Variants in RGS3 observed in about 807,000 individuals in gnomAD.
The protein encoded by RGS3 is regulator of G-protein signalling 3.
Under a neutral mutation model 132.6 loss-of-function variants are expected in RGS3, and 80 were observed. The ratio of observed to expected loss-of-function variants is 0.60; its 90% confidence interval spans 0.50 to 0.73. The LOEUF (loss-of-function observed/expected upper bound fraction) is 0.73. Among genes scored for constraint, RGS3 ranks in the 30% least tolerant of loss-of-function variants. The pLI is 0.00. For synonymous variants in RGS3, 598 were observed against 620.6 expected (o/e 0.96, Z 0.54); for missense variants, 1,382 against 1,530.8 (o/e 0.90, Z 1.62).
intron 1 of RGS3, among the ~76,000 whole-genome samples, chr9:113,460,790 C>T (rs1234442967): frequency 6.6e-6 from 1 of 152,090 alleles, no homozygotes; most frequent in African/African-American, 2.4e-5. Flanking sequence ...CTTAAAGTCA[C>T]TAAGATTCTT....
chr9:113,596,991 G>T (rs1835819204), exon 25 of RGS3: 2 of 1,545,600 alleles, frequency 1.3e-6, no homozygotes, highest in Non-Finnish European at 1.7e-6. Flanking sequence ...ACACCAGGCG[G>T]GCTGGGTCCC....
chr9:113,488,568 A>G (rs995730358), intron 7 of RGS3, among the ~76,000 whole-genome samples: 2 of 152,208 alleles, frequency 1.3e-5, no homozygotes, highest in African/African-American at 4.8e-5. Context: ...GGAGGCAGAC[A>G]CCAAACTGCT....
intron 7 of RGS3, among the ~76,000 whole-genome samples, chr9:113,495,551 T>A (rs1231871849): frequency 6.6e-6 from 1 of 152,190 alleles, no homozygotes. Context: ...GCTGAACTTG[T>A]CCTGTGACCT....
At chr9:113,496,074 C>T (rs1186803796) in intron 8 of RGS3, among the ~76,000 whole-genome samples, 1 of 152,182 alleles carries the variant, frequency 6.6e-6, no homozygotes, top group Non-Finnish European at 1.5e-5. Flanking sequence ...GTTTGTTAGG[C>T]AGCCCCAAGT....
chr9:113,465,439 C>CTGTGTGTGTGTGTGTG lies in RGS3; in HGVS notation c.415+3265_415+3280dup, dbSNP rs3221187. On this transcript the variant is annotated intron_variant, in intron 3 of 24. Coordinates refer to ENST00000350696, the Ensembl canonical transcript of RGS3. Reference sequence around the variant, plus strand: ...CCCAGGCTTATTTCCACACCTATTTCTGTGTGTGTGTGTGTGTGTGTGTGT... The same window carrying CTGTGTGTGTGTGTGTG: ...CCCAGGCTTATTTCCACACCTATTTCTGTGTGTGTGTGTGTGTGTGTGTGTGTGTGTGTGTGTGTGT... Among the ~76,000 whole-genome samples the CTGTGTGTGTGTGTGTG allele has an allele frequency of 2.0e-4, 27 of 135,408 alleles. No homozygotes were observed. In the South Asian group the frequency reaches 5.5e-3, roughly 27 times the overall value. 88.8% of individuals were successfully genotyped at this position (135,408 alleles called of 152,430 possible).
Position 113,463,775 on chromosome 9 carries a change from G to C in RGS3, c.415+1574G>C. The C allele has an allele frequency of 6.3e-7, 1 of 1,587,600 alleles. No homozygotes were observed. The highest frequency in any genetic ancestry group is 1.1e-5 in the South Asian group (1 of 87,666). ...AACACAGCCGCCTCGGGTTGCAGACGCTCCTGTCCGGGTCGCAGTGGGACG... is the reference window on the plus strand; with the variant it reads ...AACACAGCCGCCTCGGGTTGCAGACCCTCCTGTCCGGGTCGCAGTGGGACG... On this transcript the variant is annotated intron_variant, in intron 3 of 24. Transcript: ENST00000350696. This position sits in a 1 kb window ranked among gnomAD's most constrained non-coding sequence, Gnocchi z 4.6.
At chr9:113,456,860 C>G (rs555661738), upstream of RGS3, among the ~76,000 whole-genome samples, 1 of 152,060 alleles carries the variant, frequency 6.6e-6, no homozygotes, top group African/African-American at 2.4e-5. Context: ...GAGTACAATG[C>G]GATGATCTCA....
Position 113,565,090 on chromosome 9 carries a change from C to T in RGS3, c.2038-18360C>T. Reference sequence around the variant, plus strand: ...GGGGTGCCGTTGTGAGGGATGGACGCCTCTCCCCCGGAGCAGCACTTTGGG... The same window carrying T: ...GGGGTGCCGTTGTGAGGGATGGACGTCTCTCCCCCGGAGCAGCACTTTGGG... On this transcript the variant is annotated intron_variant, in intron 19 of 24. Transcript: ENST00000350696. The surrounding 1 kb of genome is among the most constrained non-coding windows in gnomAD (Gnocchi z 5.7). The T allele has an allele frequency of 8.6e-7, 1 of 1,160,932 alleles. No homozygotes were observed. Among genetic ancestry groups the T allele is most frequent in the South Asian group, 1.7e-5 (1 of 58,312 alleles). The allele number at this position is 1,160,932 out of a possible 1,614,324, so 71.9% of individuals were successfully genotyped here. A position where few individuals can be genotyped will look rare whatever the true frequency, so the allele number is the denominator to read the frequency against.
intron 20 of RGS3, chr9:113,589,042 G>A (rs1835276436): frequency 6.6e-6 from 1 of 152,308 alleles, no homozygotes; most frequent in African/African-American, 2.4e-5. Flanking sequence ...GGATGAGGCT[G>A]GGCAGGGCCC....
intron 7 of RGS3, among the ~76,000 whole-genome samples, chr9:113,495,576 A>G (rs965543931): frequency 2.6e-5 from 4 of 152,096 alleles, no homozygotes; most frequent in Non-Finnish European, 4.4e-5. Context: ...AAAGGGACCA[A>G]CTCTGAGTCT....
chr9:113,561,288 G>T (rs1360807027), intron 19 of RGS3, among the ~76,000 whole-genome samples: 1 of 152,108 alleles, frequency 6.6e-6, no homozygotes, highest in East Asian at 1.9e-4. Context: ...ACCTCCCAAA[G>T]TGCTGGGATT....
chr9:113,572,634 G>A (rs1196848315), intron 19 of RGS3, among the ~76,000 whole-genome samples: 1 of 152,236 alleles, frequency 6.6e-6, no homozygotes, highest in Non-Finnish European at 1.5e-5. Flanking sequence ...ATCTGGAAAG[G>A]GGGACCTTTC....
At chr9:113,496,902 C>G (rs1830702293) in intron 8 of RGS3, among the ~76,000 whole-genome samples, 1 of 152,100 alleles carries the variant, frequency 6.6e-6, no homozygotes. Flanking sequence ...AAAAGATGTT[C>G]CCCCTGGAGA....
chr9:113,527,083 C>T (rs761042728), intron 17 of RGS3, among the ~76,000 whole-genome samples: 5 of 152,172 alleles, frequency 3.3e-5, no homozygotes, highest in African/African-American at 7.2e-5. Flanking sequence ...AAGGCTGTGA[C>T]GTGGAACAGA....
intron 16 of RGS3, among the ~76,000 whole-genome samples, chr9:113,520,462 T>G (rs931394713): frequency 2.6e-5 from 4 of 152,156 alleles, no homozygotes; most frequent in Non-Finnish European, 5.9e-5. Flanking sequence ...GGGCCTTTTC[T>G]CACCTTGCTC....
At position 113,463,753 on chromosome 9, in the gene RGS3, A is replaced by G; in HGVS notation, c.415+1552A>G. The stretch of plus-strand genomic sequence containing the variant: ...GAGACTCCGGTTACTGGGGAGCAAC[A>G]CAGCCGCCTCGGGTTGCAGACGCTC... On this transcript the variant is annotated intron_variant, in intron 3 of 24. Coordinates refer to ENST00000350696, the Ensembl canonical transcript of RGS3. The surrounding 1 kb of genome is among the most constrained non-coding windows in gnomAD (Gnocchi z 4.6). 7.1e-6 allele frequency: 11 copies of G among 1,559,448 alleles called. No individual in the cohort carries two copies. Among genetic ancestry groups the G allele is most frequent in the Non-Finnish European group, 9.5e-6 (11 of 1,154,404 alleles).
intron 19 of RGS3, among the ~76,000 whole-genome samples, chr9:113,566,661 A>G (rs1397903037): frequency 6.6e-6 from 1 of 152,226 alleles, no homozygotes; most frequent in Non-Finnish European, 1.5e-5. Context: ...TTCAGCTTCA[A>G]ATCTGACCTT....
rs1337452640 is a variant in RGS3, at chr9:113,583,653, T to TG, written c.2241_2242insG (p.Thr748AspfsTer3). 1 of 1,613,988 alleles carries TG rather than the reference T, an allele frequency of 6.2e-7. No homozygotes were observed. Among genetic ancestry groups the TG allele is most frequent in the East Asian group, 2.2e-5 (1 of 44,874 alleles). ...AACCACTGTCCAGCAAAGACTCAGCTACCTCTGAAGGATCCCCTCCAGGCC... is the reference window on the plus strand; with the variant it reads ...AACCACTGTCCAGCAAAGACTCAGCTGACCTCTGAAGGATCCCCTCCAGGCC... On this transcript the variant is annotated frameshift_variant, in exon 20 of 25. Coordinates refer to ENST00000350696, the Ensembl canonical transcript of RGS3. LOFTEE classifies it high-confidence loss of function.
chr9:113,477,972 TGAGA>T (rs1313708035), intron 3 of RGS3, among the ~76,000 whole-genome samples: 3 of 152,242 alleles, frequency 2.0e-5, no homozygotes, highest in African/African-American at 4.8e-5. Flanking sequence ...TCTACTGGAC[TGAGA>T]GAAACATTTT....
Sources: allele counts gnomAD v4.1 joint callset (sites outside exome capture counted in the v4.1 genomes callset), GRCh38; gene constraint gnomAD v4.1.1; non-coding constraint Gnocchi (gnomAD v3.1); transcripts MANE v1.5; gene names NCBI Gene and HGNC (gene_info 2026-07-23, HGNC 2026-07-21).